The following USH1G variants were observed in gnomAD, a reference collection of about 807,000 sequenced individuals.
The protein encoded by USH1G is USH1 protein network component sans, also known as pre-mRNA splicing regulator USH1G.
Under a neutral mutation model 31.9 loss-of-function variants are expected in USH1G, and 27 were observed. The ratio of observed to expected loss-of-function variants is 0.85; its 90% CI spans 0.62 to 1.17. The LOEUF (loss-of-function observed/expected upper bound fraction) is 1.17, where lower values mean the gene tolerates loss of function less well. Ranked by LOEUF, USH1G falls within the 50% of genes most tolerant of loss-of-function variation. The probability of loss-of-function intolerance (pLI) is 0.00; values close to 1 mark genes in which losing one functional copy is unlikely to be tolerated. For synonymous variants in USH1G, 266 were observed against 283.2 expected, an observed-to-expected ratio of 0.94 and a Z score of 0.61; for missense variants, 674 against 638.9, an observed-to-expected ratio of 1.05 and a Z score of -0.59.
chr17:74,918,731 C>T lies in USH1G; in HGVS notation c.1383-655G>A, dbSNP rs1377590217. On this transcript the variant is annotated intron_variant, in intron 2 of 2. Coordinates refer to ENST00000614341, the MANE Select transcript of USH1G (RefSeq NM_173477.5). This position sits in a 1 kb window ranked among gnomAD's most constrained non-coding sequence, Gnocchi z 4.1. ...ACTCAGGAGGCTGAGGCAGGAGAAT[C>T]GCTTGAACCCGGGAGGTGGAGGTTA... Among the ~76,000 whole-genome samples the T allele has an allele frequency of 1.3e-5, 2 of 151,426 alleles. No individual in the cohort carries two copies. Among genetic ancestry groups the T allele is most frequent in the African/African-American group, 2.4e-5 (1 of 41,108 alleles).
In USH1G at chr17:74,919,661, AGC is replaced by A; in HGVS notation, c.1173_1174del (p.Leu392GlyfsTer31). The stretch of plus-strand genomic sequence containing the variant: ...GTGCAGAGAGGCCAGGAAGGTCTCC[AGC>A]GGGCTAGTCTCGGGCTCCAGGTCCT... On this transcript the variant is annotated frameshift_variant, in exon 2 of 3. Transcript: ENST00000614341. LOFTEE classifies it high-confidence loss of function. This position sits in a 1 kb window ranked among gnomAD's most constrained non-coding sequence, Gnocchi z 4.5. 3.1e-6 allele frequency: 5 copies of A among 1,612,840 alleles called. No individual in the cohort carries two copies. The highest frequency in any genetic ancestry group is 4.2e-6 in the Non-Finnish European group (5 of 1,180,032).
Position 74,919,674 on chromosome 17 carries a change from C to CAA in USH1G, c.1161_1162insTT (p.Glu388LeufsTer32). On this transcript the variant is annotated frameshift_variant, in exon 2 of 3. Coordinates refer to ENST00000614341, the MANE Select transcript of USH1G (RefSeq NM_173477.5). LOFTEE classifies it high-confidence loss of function. This position sits in a 1 kb window ranked among gnomAD's most constrained non-coding sequence, Gnocchi z 4.5. ...AGGAAGGTCTCCAGCGGGCTAGTCT[C>CAA]GGGCTCCAGGTCCTCGTCCAAGCCT... The CAA allele has an allele frequency of 6.2e-7, 1 of 1,612,842 alleles. No homozygotes were observed. The highest frequency in any genetic ancestry group is 8.5e-7 in the Non-Finnish European group (1 of 1,180,024).
In USH1G at chr17:74,917,882, C is replaced by T. The variant is rs1471733273; in HGVS notation, c.*191G>A. ...CAGAACTGGAGTTCCGGAACATTCTCTTGCCCCTCTGGTGCCTCCAGGCCA... is the reference window on the plus strand; with the variant it reads ...CAGAACTGGAGTTCCGGAACATTCTTTTGCCCCTCTGGTGCCTCCAGGCCA... On this transcript the variant is annotated 3_prime_UTR_variant, in exon 3 of 3. Coordinates refer to ENST00000614341, the MANE Select transcript of USH1G (RefSeq NM_173477.5). The T allele has an allele frequency of 1.4e-6, 1 of 707,836 alleles. No homozygotes were observed. The allele number at this position is 707,836 out of a possible 1,614,324, so 43.8% of individuals were successfully genotyped here. A position where few individuals can be genotyped will look rare whatever the true frequency, so the allele number is the denominator to read the frequency against.
chr17:74,920,712 G>A lies in USH1G; in HGVS notation c.165-41C>T, dbSNP rs1400173730. On this transcript the variant is annotated intron_variant, in intron 1 of 2. Transcript: ENST00000614341. The surrounding 1 kb of genome is among the most constrained non-coding windows in gnomAD (Gnocchi z 5.2). Reference sequence around the variant, plus strand: ...TCAGGAGGGACGAGTGACGAGTCCTGGCTGGGGATGGAGGTGGAGGGAGTG... The same window carrying A: ...TCAGGAGGGACGAGTGACGAGTCCTAGCTGGGGATGGAGGTGGAGGGAGTG... 1 of 1,611,488 alleles carries A rather than the reference G, an allele frequency of 6.2e-7. No homozygotes were observed. Among genetic ancestry groups the A allele is most frequent in the Non-Finnish European group, 8.5e-7 (1 of 1,178,980 alleles).
In USH1G at chr17:74,916,729, A is replaced by T. The variant is rs904033448; in HGVS notation, c.*1344T>A. ...GGACACATGCTGTGACCACCCTCTG[A>T]GCTGGCCTTTCCCCTGGTCTCACCA... On this transcript the variant is annotated 3_prime_UTR_variant, in exon 3 of 3. Coordinates refer to ENST00000614341, the MANE Select transcript of USH1G (RefSeq NM_173477.5). 1 of 152,338 alleles carries T rather than the reference A, an allele frequency of 6.6e-6. No individual in the cohort carries two copies. The highest frequency in any genetic ancestry group is 2.4e-5 in the African/African-American group (1 of 41,542). The allele number at this position is 152,338 out of a possible 1,614,324, so 9.4% of individuals were successfully genotyped here.
chr17:74,918,326 C>G lies in USH1G; in HGVS notation c.1383-250G>C, dbSNP rs943274734. 3.3e-5 allele frequency among the ~76,000 whole-genome samples: 5 copies of G among 152,152 alleles called. No homozygotes were observed. Among genetic ancestry groups the G allele is most frequent in the African/African-American group, 1.2e-4 (5 of 41,446 alleles). On this transcript the variant is annotated intron_variant, in intron 2 of 2. Transcript: ENST00000614341. This position sits in a 1 kb window ranked among gnomAD's most constrained non-coding sequence, Gnocchi z 4.1. ...ATAGATACCTAAGAGGAAATGAGGA[C>G]AAAGTTTGTTGGGCCTGTGGGATGC...
At position 74,918,037 on chromosome 17, in the gene USH1G, T is replaced by G; in HGVS notation, c.*36A>C. 6.2e-7 allele frequency: 1 copy of G among 1,613,912 alleles called. No homozygotes were observed. The highest frequency in any genetic ancestry group is 1.3e-5 in the African/African-American group (1 of 75,000). On this transcript the variant is annotated 3_prime_UTR_variant, in exon 3 of 3. Coordinates refer to ENST00000614341, the MANE Select transcript of USH1G (RefSeq NM_173477.5). This position sits in a 1 kb window ranked among gnomAD's most constrained non-coding sequence, Gnocchi z 4.1. The stretch of plus-strand genomic sequence containing the variant: ...GACCCCACCATAGGTTGTGGCAACT[T>G]GCAATTCATTTTGGTCTGGGGAGAG...
Position 74,919,370 on chromosome 17 carries a change from T to G in USH1G, c.1382+84A>C. On this transcript the variant is annotated intron_variant, in intron 2 of 2. Coordinates refer to ENST00000614341, the MANE Select transcript of USH1G (RefSeq NM_173477.5). The surrounding 1 kb of genome is among the most constrained non-coding windows in gnomAD (Gnocchi z 4.5). Reference sequence around the variant, plus strand: ...AAATACAGTATCCCCCACCCCCTACTCCTGAATAGGCAGATCTGTACCCCC... The same window carrying G: ...AAATACAGTATCCCCCACCCCCTACGCCTGAATAGGCAGATCTGTACCCCC... The G allele has an allele frequency of 1.4e-5, 16 of 1,179,264 alleles. No individual in the cohort carries two copies. The highest frequency in any genetic ancestry group is 1.8e-5 in the Non-Finnish European group (16 of 868,690). The allele number at this position is 1,179,264 out of a possible 1,614,324, so 73.1% of individuals were successfully genotyped here.
In USH1G at chr17:74,918,761, G is replaced by T. The variant is rs2144750703; in HGVS notation, c.1383-685C>A. On this transcript the variant is annotated intron_variant, in intron 2 of 2. Coordinates refer to ENST00000614341, the MANE Select transcript of USH1G (RefSeq NM_173477.5). The surrounding 1 kb of genome is among the most constrained non-coding windows in gnomAD (Gnocchi z 4.1). ...GAACCCGGGAGGTGGAGGTTACAGT[G>T]ATTGTGCCACTGCACTCCAGCCTGG... is the stretch of plus-strand genomic sequence containing the variant. 6.6e-6 allele frequency among the ~76,000 whole-genome samples: 1 copy of T among 150,610 alleles called. No homozygotes were observed. The highest frequency in any genetic ancestry group is 2.0e-4 in the East Asian group (1 of 5,110).
rs748893166 is a variant in USH1G at position 74,919,978 on chromosome 17, G to C, written c.858C>G (p.Ala286=). ...AGTGGGCAGGCTCGGCCGCCAGCGTGGCACGGGAGACGCTGTCCTCGTCCG... is the reference window on the plus strand; with the variant it reads ...AGTGGGCAGGCTCGGCCGCCAGCGTCGCACGGGAGACGCTGTCCTCGTCCG... ...FLSDEDSVSR[A]TLAAEPAHSE... The change falls in exon 2 of 3, where the codon GCC becomes GCG. Residue 286 remains alanine, a synonymous_variant. Transcript: ENST00000614341. This position sits in a 1 kb window ranked among gnomAD's most constrained non-coding sequence, Gnocchi z 4.5. 1 of 1,612,104 alleles carries C rather than the reference G, an allele frequency of 6.2e-7. No homozygotes were observed. The highest frequency in any genetic ancestry group is 1.1e-5 in the South Asian group (1 of 91,056).
Position 74,918,679 on chromosome 17 carries a change from T to A in USH1G, c.1383-603A>T, listed in dbSNP as rs1299220768. Among the ~76,000 whole-genome samples the A allele has an allele frequency of 6.6e-6, 1 of 152,024 alleles. No homozygotes were observed. Among genetic ancestry groups the A allele is most frequent in the African/African-American group, 2.4e-5 (1 of 41,400 alleles). ...TAAAAATACAGAAATTAGCTGGGCATGGTGGTGCACTCCTGTAATCCCAGC... is the reference window on the plus strand; with the variant it reads ...TAAAAATACAGAAATTAGCTGGGCAAGGTGGTGCACTCCTGTAATCCCAGC... On this transcript the variant is annotated intron_variant, in intron 2 of 2. Transcript: ENST00000614341. This position sits in a 1 kb window ranked among gnomAD's most constrained non-coding sequence, Gnocchi z 4.1.
At chr17:74,922,280 G>A (rs1388741123) in intron 1 of USH1G, among the ~76,000 whole-genome samples, 1 of 149,658 alleles carries the variant, frequency 6.7e-6, no homozygotes, top group African/African-American at 2.5e-5. Flanking sequence ...GGGGAGGGAA[G>A]AGAAGCCCCT....
Position 74,919,535 on chromosome 17 carries a change from C to T in USH1G, c.1301G>A (p.Gly434Glu), listed in dbSNP as rs1364843674. Residue 434 changes from glycine (G) to glutamate (E), a missense_variant, in exon 2 of 3, where the codon GGG becomes GAG. Gly to Glu is a moderately conservative substitution (Grantham distance 98). Coordinates refer to ENST00000614341, the MANE Select transcript of USH1G (RefSeq NM_173477.5). The surrounding 1 kb of genome is among the most constrained non-coding windows in gnomAD (Gnocchi z 4.5). ...GGCCCCCAAGATCTTCTTTCGGGGC[C>T]CCAGTGGGACGCTGATGCTGCGGAG... ...LDLRSISVPL[G>E]PRKKILGAVR... is the part of the protein sequence containing the mutation. 7 of 1,612,298 alleles carry T rather than the reference C, an allele frequency of 4.3e-6. No individual in the cohort carries two copies. Among genetic ancestry groups the T allele is most frequent in the Non-Finnish European group, 5.9e-6 (7 of 1,179,956 alleles).
At chr17:74,922,046 G>A (rs1356589476) in intron 1 of USH1G, among the ~76,000 whole-genome samples, 1 of 152,190 alleles carries the variant, frequency 6.6e-6, no homozygotes, top group Non-Finnish European at 1.5e-5. Flanking sequence ...CCTTCCTGGG[G>A]TGTCCTGTCC....
rs201359669 is a variant in USH1G, at chr17:74,919,496, C to T, written c.1340G>A (p.Arg447Gln). Residue 447 changes from arginine to glutamine, a missense_variant, in exon 2 of 3, where the codon CGG (arginine) becomes CAG (glutamine). Physicochemically the swap from Arg to Gln is conservative, Grantham distance 43 (BLOSUM62 1). Coordinates refer to ENST00000614341, the MANE Select transcript of USH1G (RefSeq NM_173477.5). This position sits in a 1 kb window ranked among gnomAD's most constrained non-coding sequence, Gnocchi z 4.5. ...KKILGAVRRR[R>Q]QAMERPPALE... ...GGCCGGCGGGCGCTCCATCGCCTGC[C>T]GCCGCCTCCTCACGGCCCCCAAGAT... The T allele has an allele frequency of 1.0e-4, 165 of 1,609,524 alleles. No homozygotes were observed. In the African/African-American group the frequency reaches 1.7e-3, roughly 17 times the overall value.
rs905074113 is a variant in USH1G at position 74,921,340 on chromosome 17, G to A, written c.165-669C>T. On this transcript the variant is annotated intron_variant, in intron 1 of 2. Transcript: ENST00000614341. This position sits in a 1 kb window ranked among gnomAD's most constrained non-coding sequence, Gnocchi z 4.6. ...GAGGGAAATCAGCTGCCCGTGCTCC[G>A]AAGCCCTCCCTTCCCTAGGTTGCCC... 8.5e-5 allele frequency among the ~76,000 whole-genome samples: 13 copies of A among 152,136 alleles called. No homozygotes were observed. The highest frequency in any genetic ancestry group is 6.5e-4 in the Admixed American group (10 of 15,312).
In USH1G at chr17:74,922,970, G is replaced by C. The variant is rs1054315517; in HGVS notation, c.104C>G (p.Pro35Arg). Residue 35 changes from proline (P) to arginine (R), a missense_variant, in exon 1 of 3, where the codon CCC (proline) becomes CGC (arginine). Coordinates refer to ENST00000614341, the MANE Select transcript of USH1G (RefSeq NM_173477.5). ...GCCATGGTAGGCAGCCCAGAGAGTG[G>C]GGGTCATGCCATCCTCGTCGGGGGC... ...LNAPDEDGMT[P>R]TLWAAYHGNL... The C allele has an allele frequency of 1.3e-6, 2 of 1,556,076 alleles. No individual in the cohort carries two copies. Among genetic ancestry groups the C allele is most frequent in the African/African-American group, 1.4e-5 (1 of 73,414 alleles).
In USH1G at chr17:74,919,329, T is replaced by C. The variant is rs2144751385; in HGVS notation, c.1382+125A>G. ...AGGGTGCCTTTTATCATCGATGGCC[T>C]CATTTCGATTTTATGAAATACAGTA... On this transcript the variant is annotated intron_variant, in intron 2 of 2. Transcript: ENST00000614341. This position sits in a 1 kb window ranked among gnomAD's most constrained non-coding sequence, Gnocchi z 4.5. 1 of 1,404,014 alleles carries C rather than the reference T, an allele frequency of 7.1e-7. No individual in the cohort carries two copies. Among genetic ancestry groups the C allele is most frequent in the Non-Finnish European group, 9.4e-7 (1 of 1,066,960 alleles). The allele number at this position is 1,404,014 out of a possible 1,614,324, so 87.0% of individuals were successfully genotyped here.
Position 74,920,339 on chromosome 17 carries a change from C to A in USH1G, c.497G>T (p.Arg166Leu), listed in dbSNP as rs772186029. ...RHHERMERRY[R>L]RELAERSDTL... ...GTCGGAACGCTCGGCCAGCTCGCGCCGGTATCGCCGCTCCATGCGTTCGTG... is the reference window on the plus strand; with the variant it reads ...GTCGGAACGCTCGGCCAGCTCGCGCAGGTATCGCCGCTCCATGCGTTCGTG... Residue 166 changes from arginine to leucine, a missense_variant, in exon 2 of 3, where the codon CGG becomes CTG. Transcript: ENST00000614341. This position sits in a 1 kb window ranked among gnomAD's most constrained non-coding sequence, Gnocchi z 5.2. 1.9e-6 allele frequency: 3 copies of A among 1,610,430 alleles called. No homozygotes were observed. The highest frequency in any genetic ancestry group is 2.2e-5 in the East Asian group (1 of 44,832).
Sources: allele counts gnomAD v4.1 joint callset (sites outside exome capture counted in the v4.1 genomes callset), GRCh38; gene constraint gnomAD v4.1.1; non-coding constraint Gnocchi (gnomAD v3.1); transcripts MANE v1.5; gene names NCBI Gene and HGNC (gene_info 2026-07-23, HGNC 2026-07-21).